The following RPS6KC1 variants were observed in gnomAD, a reference collection of about 807,000 sequenced individuals.
RPS6KC1 encodes inactive ribosomal protein S6 kinase delta-1.
In RPS6KC1, 54 loss-of-function variants were observed where a neutral mutation model predicts 103.8. The ratio of observed to expected loss-of-function variants is 0.52; its 90% confidence interval spans 0.42 to 0.65. RPS6KC1 has a LOEUF of 0.65. RPS6KC1 is among the 30% of genes least tolerant of loss of function. The pLI is 0.00. For missense variants in RPS6KC1, 1,151 were observed against 1,253.8 expected, an observed-to-expected ratio of 0.92 and a Z score of 1.24; for synonymous variants, 439 against 438.7, an observed-to-expected ratio of 1.00 and a Z score of -0.01.
the RPS6KC1 span, among the ~76,000 whole-genome samples, chr1:213,458,222 C>G: frequency 6.6e-6 from 1 of 152,148 alleles, no homozygotes; most frequent in Non-Finnish European, 1.5e-5. Context: ...CAAAGTTTAG[C>G]TCCCACTTAT....
chr1:213,250,378 A>C (rs2094525667), intron 12 of RPS6KC1, among the ~76,000 whole-genome samples: 1 of 152,238 alleles, frequency 6.6e-6, no homozygotes, highest in African/African-American at 2.4e-5. Context: ...TACCCTGCTC[A>C]ACAAATACAG....
At chr1:213,237,615 C>T (rs892504823) in intron 10 of RPS6KC1, among the ~76,000 whole-genome samples, 1 of 151,776 alleles carries the variant, frequency 6.6e-6, no homozygotes, top group African/African-American at 2.4e-5. Context: ...ACTGTGATAG[C>T]AGTGTTTTAT....
At chr1:213,824,607 G>C in the RPS6KC1 span, among the ~76,000 whole-genome samples, 1 of 152,130 alleles carries the variant, frequency 6.6e-6, no homozygotes, top group African/African-American at 2.4e-5. Context: ...TTGAATCATG[G>C]GGGCAGGTCT....
At chr1:213,598,855 A>C in the RPS6KC1 span, among the ~76,000 whole-genome samples, 1 of 152,150 alleles carries the variant, frequency 6.6e-6, no homozygotes, top group African/African-American at 2.4e-5. Context: ...TGGGAAGCGG[A>C]GGTTGAGGTG....
the RPS6KC1 span, among the ~76,000 whole-genome samples, chr1:213,846,291 C>A: frequency 6.6e-6 from 1 of 151,686 alleles, no homozygotes; most frequent in Non-Finnish European, 1.5e-5. Context: ...CAGAGCGAGA[C>A]TCCATCTCAA....
chr1:213,151,197 G>A (rs2147904563), intron 6 of RPS6KC1, among the ~76,000 whole-genome samples: 1 of 142,434 alleles, frequency 7.0e-6, no homozygotes, highest in African/African-American at 2.6e-5. Flanking sequence ...CTCCCGGATG[G>A]GGCGGCTGGC....
the RPS6KC1 span, among the ~76,000 whole-genome samples, chr1:213,665,397 C>A: frequency 6.6e-6 from 1 of 151,820 alleles, no homozygotes; most frequent in Non-Finnish European, 1.5e-5. Context: ...CACATAAACA[C>A]ACACGAACAC....
the RPS6KC1 span, among the ~76,000 whole-genome samples, chr1:213,484,253 A>G: frequency 6.6e-6 from 1 of 152,336 alleles, no homozygotes; most frequent in East Asian, 1.9e-4. Context: ...AAAATTTATT[A>G]TCTCCTTTGG....
the RPS6KC1 span, among the ~76,000 whole-genome samples, chr1:213,550,018 C>T: frequency 6.6e-6 from 1 of 152,226 alleles, no homozygotes; most frequent in African/African-American, 2.4e-5. Context: ...ACAGCAGGCA[C>T]ATGAGAGCCT....
At chr1:213,532,291 A>C in the RPS6KC1 span, among the ~76,000 whole-genome samples, 1 of 152,238 alleles carries the variant, frequency 6.6e-6, no homozygotes, top group South Asian at 2.1e-4. Context: ...TTGATTTCCA[A>C]CTGCGGATGC....
the RPS6KC1 span, among the ~76,000 whole-genome samples, chr1:213,582,805 G>A: frequency 6.6e-6 from 1 of 152,086 alleles, no homozygotes; most frequent in South Asian, 2.1e-4. Context: ...CATTTTAAAT[G>A]CACTGTTTGA....
the RPS6KC1 span, among the ~76,000 whole-genome samples, chr1:213,463,472 G>T: frequency 3.4e-4 from 52 of 152,112 alleles, no homozygotes; most frequent in Non-Finnish European, 4.4e-5. Flanking sequence ...GGGATCTTGT[G>T]TACCTTTTAC....
the RPS6KC1 span, among the ~76,000 whole-genome samples, chr1:213,536,534 G>A: frequency 6.8e-3 from 1,036 of 152,282 alleles, 16 homozygotes; most frequent in African/African-American, 0.024. Context: ...GGTATAGTGA[G>A]CCTTCAGCAA....
chr1:213,728,965 T>TTTTTTTTA, the RPS6KC1 span, among the ~76,000 whole-genome samples: 5 of 141,118 alleles, frequency 3.5e-5, no homozygotes, highest in African/African-American at 1.4e-4. Flanking sequence ...TTTTTTTTTT[T>TTTTTTTTA]ACCAGTGGAC....
chr1:213,729,553 G>A, the RPS6KC1 span, among the ~76,000 whole-genome samples: 381 of 152,140 alleles, frequency 2.5e-3, 1 homozygote, highest in African/African-American at 8.8e-3. Context: ...AGGATCGGGG[G>A]GAGGGAAAGA....
chr1:213,847,143 A>G, the RPS6KC1 span, among the ~76,000 whole-genome samples: 1 of 152,190 alleles, frequency 6.6e-6, no homozygotes, highest in African/African-American at 2.4e-5. Context: ...TTGAAGACTG[A>G]TGATACAGAC....
intron 1 of RPS6KC1, among the ~76,000 whole-genome samples, chr1:213,056,134 C>T (rs891524057): frequency 2.0e-5 from 3 of 152,116 alleles, no homozygotes; most frequent in Non-Finnish European, 4.4e-5. Flanking sequence ...TTTTATTATA[C>T]GTAGCTAGTG....
the RPS6KC1 span, among the ~76,000 whole-genome samples, chr1:213,496,500 G>T: frequency 6.6e-6 from 1 of 152,142 alleles, no homozygotes. Flanking sequence ...ACTCACTCCC[G>T]TAATCTTAGC....
the RPS6KC1 span, among the ~76,000 whole-genome samples, chr1:213,413,128 G>C: frequency 6.6e-6 from 1 of 152,088 alleles, no homozygotes; most frequent in African/African-American, 2.4e-5. Flanking sequence ...ATCTACTTTC[G>C]AAAATTTTTA....
Sources: gnomAD v4.1 joint callset for allele counts (sites outside exome capture counted in the v4.1 genomes callset) on GRCh38, gnomAD v4.1.1 for gene constraint, MANE v1.5 for transcripts, NCBI Gene and HGNC (gene_info 2026-07-23, HGNC 2026-07-21) for gene names.